CDCP1: variants seen among roughly 807,000 people sequenced by gnomAD.
CDCP1 encodes CUB domain-containing protein 1.
Under a neutral mutation model 60.2 loss-of-function variants are expected in CDCP1, and 29 were observed. That is an observed-to-expected ratio of 0.48 (90% CI 0.36 to 0.66). CDCP1 has a LOEUF of 0.66. Ranked by LOEUF, CDCP1 falls within the 30% of genes least tolerant of loss-of-function variation. The pLI, the probability that CDCP1 is intolerant of heterozygous loss-of-function variation, is 0.00. For synonymous variants in CDCP1, 387 were observed against 431.1 expected, an observed-to-expected ratio of 0.90 and a Z score of 1.27; for missense variants, 876 against 1,074.3, an observed-to-expected ratio of 0.82 and a Z score of 2.58.
At chr3:45,140,905 G>C (rs1699277226) in intron 1 of CDCP1, among the ~76,000 whole-genome samples, 1 of 152,190 alleles carries the variant, frequency 6.6e-6, no homozygotes, top group East Asian at 1.9e-4. Flanking sequence ...CTAGGATCAA[G>C]AATGTCAGGA....
chr3:45,086,091 C>T (rs779786755), intron 8 of CDCP1, 24 bp from the exon 9 acceptor site: 56 of 1,603,516 alleles, frequency 3.5e-5, no homozygotes, highest in Non-Finnish European at 4.6e-5. Context: ...TGGAACAAGA[C>T]AGAAGTCAGA....
At chr3:45,104,176 T>C (rs986612015) in intron 4 of CDCP1, among the ~76,000 whole-genome samples, 9 of 152,268 alleles carry the variant, frequency 5.9e-5, no homozygotes, top group African/African-American at 1.2e-4. Context: ...TGTGGTGAGA[T>C]ACCTCATGTC....
At chr3:45,092,897 C>T (rs894244690) in intron 6 of CDCP1, among the ~76,000 whole-genome samples, 1 of 152,174 alleles carries the variant, frequency 6.6e-6, no homozygotes, top group African/African-American at 2.4e-5. Context: ...ATTGTAAAAG[C>T]AGAGTCATAA....
At chr3:45,109,278 A>G (rs534848154) in intron 4 of CDCP1, among the ~76,000 whole-genome samples, 3 of 151,816 alleles carry the variant, frequency 2.0e-5, no homozygotes, top group Non-Finnish European at 4.4e-5. Context: ...CACACATTAT[A>G]CATACATACA....
intron 1 of CDCP1, among the ~76,000 whole-genome samples, chr3:45,145,197 C>G (rs2126012027): frequency 6.6e-6 from 1 of 152,180 alleles, no homozygotes; most frequent in African/African-American, 2.4e-5. Flanking sequence ...TCACTTGCGT[C>G]CTTTTATTCC....
At chr3:45,096,879 T>G (rs879292474) in intron 4 of CDCP1, among the ~76,000 whole-genome samples, 15 of 151,956 alleles carry the variant, frequency 9.9e-5, no homozygotes, top group Non-Finnish European at 1.6e-4. Flanking sequence ...ACAGACTGAG[T>G]GGTCAAGGAG....
In CDCP1 at chr3:45,095,507, C is replaced by A; in HGVS notation, c.1086G>T (p.Arg362=). The A allele has an allele frequency of 6.2e-7, 1 of 1,614,126 alleles. No homozygotes were observed. The highest frequency in any genetic ancestry group is 2.2e-5 in the East Asian group (1 of 44,882). Residue 362 remains arginine (R), a synonymous_variant, in exon 5 of 9, where the codon CGG becomes CGT. Transcript: ENST00000296129. ...CAAACTTGCGGCTCTGTTTGACGGGCCGTGGCTCGATGGTGAGTGACATGG... is the reference window on the plus strand; with the variant it reads ...CAAACTTGCGGCTCTGTTTGACGGGACGTGGCTCGATGGTGAGTGACATGG... ...ERAMSLTIEP[R]PVKQSRKFVP... is the part of the protein sequence containing the mutation.
intron 1 of CDCP1, among the ~76,000 whole-genome samples, chr3:45,128,242 G>A (rs982172353): frequency 2.0e-5 from 3 of 152,226 alleles, no homozygotes; most frequent in Admixed American, 6.5e-5. Context: ...AAGAAGGCCC[G>A]AGGGAGTAGG....
rs143715587 is a variant in CDCP1 at position 45,115,090 on chromosome 3, C to A, written c.293-2645G>T. ...GTCGTTTTAAAAACAAACAAAAAGA[C>A]AAGTGGGTGTGGTGGTGTGTGCCCA... On this transcript the variant is annotated intron_variant, in intron 2 of 8. Coordinates refer to ENST00000296129, the MANE Select transcript of CDCP1 (RefSeq NM_022842.5). 6.7e-3 allele frequency among the ~76,000 whole-genome samples: 1,012 copies of A among 151,746 alleles called. 13 individuals carry two copies. The highest frequency in any genetic ancestry group is 0.023 in the African/African-American group (932 of 41,392).
At chr3:45,109,905 G>A (rs1024813363) in intron 4 of CDCP1, among the ~76,000 whole-genome samples, 12 of 152,294 alleles carry the variant, frequency 7.9e-5, no homozygotes, top group Admixed American at 5.9e-4. Context: ...CAGGCTCAGG[G>A]TTCTGAGCTT....
chr3:45,088,572 A>G (rs1046346604), intron 8 of CDCP1, among the ~76,000 whole-genome samples: 1 of 152,350 alleles, frequency 6.6e-6, no homozygotes, highest in African/African-American at 2.4e-5. Context: ...TCTGGGCCAC[A>G]GGCCTGGCCT....
intron 4 of CDCP1, among the ~76,000 whole-genome samples, chr3:45,106,749 A>G (rs1320801749): frequency 6.6e-6 from 1 of 152,118 alleles, no homozygotes; most frequent in Non-Finnish European, 1.5e-5. Flanking sequence ...GGGACAAAGG[A>G]AGGTCAAGTT....
At chr3:45,112,040 G>A in intron 3 of CDCP1, 43 bp downstream of exon 3, 2 of 1,586,088 alleles carry the variant, frequency 1.3e-6, no homozygotes, top group Non-Finnish European at 1.7e-6. Flanking sequence ...TGATGATCTT[G>A]TGTGTTTTAA....
intron 4 of CDCP1, among the ~76,000 whole-genome samples, chr3:45,098,513 T>C (rs1358348240): frequency 6.6e-6 from 1 of 152,096 alleles, no homozygotes; most frequent in Non-Finnish European, 1.5e-5. Context: ...TTGCTGCCTA[T>C]GGATCTTTCA....
chr3:45,143,158 C>T (rs375444728), intron 1 of CDCP1, among the ~76,000 whole-genome samples: 11 of 152,140 alleles, frequency 7.2e-5, no homozygotes, highest in South Asian at 2.1e-4. Context: ...GAGCCGAGAT[C>T]GCGCCATTGC....
intron 4 of CDCP1, among the ~76,000 whole-genome samples, chr3:45,106,266 C>T (rs1258640190): frequency 1.3e-5 from 2 of 152,194 alleles, no homozygotes; most frequent in African/African-American, 4.8e-5. Flanking sequence ...GGGGTTTGGG[C>T]TGGCTGGTGC....
At chr3:45,094,221 G>A (rs1236986834) in intron 5 of CDCP1, among the ~76,000 whole-genome samples, 5 of 113,050 alleles carry the variant, frequency 4.4e-5, no homozygotes, top group Non-Finnish European at 7.6e-5. Context: ...CTGGCCTTCA[G>A]TCATCAAACA....
Position 45,118,807 on chromosome 3 carries a change from G to A in CDCP1, c.83-186C>T, listed in dbSNP as rs1048582724. Among the ~76,000 whole-genome samples, 3 of 152,212 alleles carry A rather than the reference G, an allele frequency of 2.0e-5. No homozygotes were observed. The East Asian group carries it at 5.8e-4, about 29-fold the overall frequency. On this transcript the variant is annotated intron_variant, in intron 1 of 8. Transcript: ENST00000296129. ...CTTAGCAATGAAAAAGAACCAGGAT[G>A]CTGCCAGCTGGTCACTGACATGTGT...
intron 4 of CDCP1, among the ~76,000 whole-genome samples, chr3:45,103,294 C>A (rs1294915310): frequency 6.6e-6 from 1 of 152,160 alleles, no homozygotes; most frequent in Non-Finnish European, 1.5e-5. Context: ...AGGGCTCATC[C>A]ATGTTGCTGT....
Sources: gnomAD v4.1 joint callset for allele counts (sites outside exome capture counted in the v4.1 genomes callset) on GRCh38, gnomAD v4.1.1 for gene constraint, MANE v1.5 for transcripts, NCBI Gene and HGNC (gene_info 2026-07-23, HGNC 2026-07-21) for gene names.